The following PARD3B variants were observed in gnomAD, a reference collection of about 807,000 sequenced individuals.
PARD3B encodes par-3 family cell polarity regulator beta.
A neutral mutation model predicts 130.2 loss-of-function variants in PARD3B; 103 were observed. That is an observed-to-expected ratio of 0.79 (90% CI 0.67 to 0.93). The LOEUF is 0.93. Ranked by LOEUF, PARD3B falls within the 40% of genes least tolerant of loss-of-function variation. PARD3B has a pLI of 0.00. For synonymous variants in PARD3B, 583 were observed against 553.2 expected (o/e 1.05, Z -0.76); for missense variants, 1,609 against 1,499.2 (o/e 1.07, Z -1.21).
chr2:205,578,281 G>GTTTCCCC (rs2053835852), intron 22 of PARD3B, among the ~76,000 whole-genome samples: 2 of 152,168 alleles, frequency 1.3e-5, no homozygotes, highest in South Asian at 4.1e-4. Flanking sequence ...TAACAATGTG[G>GTTTCCCC]TAACTAGAGT....
At chr2:205,162,422 C>A (rs2034557615) in intron 11 of PARD3B, among the ~76,000 whole-genome samples, 1 of 152,172 alleles carries the variant, frequency 6.6e-6, no homozygotes, top group African/African-American at 2.4e-5. Flanking sequence ...TGGCCATTGA[C>A]CATAACAGCG....
At chr2:205,398,061 G>A (rs1277941673) in intron 18 of PARD3B, among the ~76,000 whole-genome samples, 1 of 152,168 alleles carries the variant, frequency 6.6e-6, no homozygotes, top group Non-Finnish European at 1.5e-5. Flanking sequence ...CACTTTGGGA[G>A]GCCGAGGCAG....
chr2:205,329,921 G>A (rs1443274898), intron 18 of PARD3B, among the ~76,000 whole-genome samples: 1 of 149,250 alleles, frequency 6.7e-6, no homozygotes, highest in African/African-American at 2.5e-5. Context: ...TTGAACTAGT[G>A]GGGCGGAGGT....
chr2:205,279,346 G>A (rs2041099706), intron 16 of PARD3B, among the ~76,000 whole-genome samples: 1 of 152,120 alleles, frequency 6.6e-6, no homozygotes, highest in Admixed American at 6.5e-5. Flanking sequence ...ACGTGTTTGT[G>A]CTGTTCTCAC....
intron 18 of PARD3B, among the ~76,000 whole-genome samples, chr2:205,323,601 A>T (rs1363029158): frequency 6.6e-6 from 1 of 152,190 alleles, no homozygotes; most frequent in Non-Finnish European, 1.5e-5. Context: ...GATGTTCCCT[A>T]CCTGACAAGT....
In PARD3B at chr2:205,563,255, A is replaced by G. The variant is rs561932237; in HGVS notation, c.3260+9852A>G. Among the ~76,000 whole-genome samples the G allele has an allele frequency of 6.6e-6, 1 of 152,346 alleles. No homozygotes were observed. Among genetic ancestry groups the G allele is most frequent in the East Asian group, 1.9e-4 (1 of 5,188 alleles). The stretch of plus-strand genomic sequence containing the variant: ...ATAGAAAATAAAACTAAGAACAATC[A>G]AGGCAAGGGAGAGGTTGTAAAACCT... On this transcript the variant is annotated intron_variant, in intron 22 of 22. Transcript: ENST00000406610. The surrounding 1 kb of genome is among the most constrained non-coding windows in gnomAD (Gnocchi z 4.2).
chr2:205,204,467 G>C (rs2125832280), intron 15 of PARD3B, among the ~76,000 whole-genome samples: 1 of 152,230 alleles, frequency 6.6e-6, no homozygotes, highest in African/African-American at 2.4e-5. Flanking sequence ...GATCCCATTT[G>C]TCAATTTTGG....
At chr2:205,364,972 C>A (rs529632934) in intron 18 of PARD3B, among the ~76,000 whole-genome samples, 150 of 152,096 alleles carry the variant, frequency 9.9e-4, no homozygotes, top group African/African-American at 3.6e-3. Flanking sequence ...GAGGCCAAGG[C>A]GAGTAGATCA....
At chr2:205,285,355 G>A (rs2041353097) in intron 16 of PARD3B, among the ~76,000 whole-genome samples, 1 of 152,066 alleles carries the variant, frequency 6.6e-6, no homozygotes, top group South Asian at 2.1e-4. Context: ...GGGTACTGAG[G>A]CAATACCCAC....
At chr2:204,899,093 A>G (rs2046752614) in intron 2 of PARD3B, among the ~76,000 whole-genome samples, 1 of 151,644 alleles carries the variant, frequency 6.6e-6, no homozygotes, top group Non-Finnish European at 1.5e-5. Context: ...TGGAGAATTT[A>G]GCCCATTTAC....
At chr2:205,353,629 G>A (rs553050202) in intron 18 of PARD3B, among the ~76,000 whole-genome samples, 27 of 152,282 alleles carry the variant, frequency 1.8e-4, no homozygotes, top group African/African-American at 5.8e-4. Context: ...TTGGTGATAT[G>A]ACTGAAACCT....
intron 2 of PARD3B, among the ~76,000 whole-genome samples, chr2:204,950,347 T>C (rs1471375861): frequency 6.6e-6 from 1 of 152,240 alleles, no homozygotes; most frequent in African/African-American, 2.4e-5. Flanking sequence ...ATTGTATAGA[T>C]GAAATTGAAG....
intron 18 of PARD3B, among the ~76,000 whole-genome samples, chr2:205,370,560 G>A (rs541391339): frequency 1.8e-4 from 27 of 152,230 alleles, no homozygotes; most frequent in South Asian, 8.3e-4. Flanking sequence ...AGTATCTCCC[G>A]GCTGCTCATA....
At chr2:204,818,403 C>CTAT (rs1231810494) in intron 2 of PARD3B, among the ~76,000 whole-genome samples, 2 of 152,068 alleles carry the variant, frequency 1.3e-5, no homozygotes, top group African/African-American at 2.4e-5. Context: ...AAACTATTTG[C>CTAT]TTCTTTCTAA....
intron 2 of PARD3B, among the ~76,000 whole-genome samples, chr2:204,863,076 G>A (rs2125631850): frequency 6.6e-6 from 1 of 152,216 alleles, no homozygotes; most frequent in African/African-American, 2.4e-5. Flanking sequence ...CCAGCAGTCT[G>A]TTTTTTCAGC....
chr2:204,817,218 T>C (rs1256606122), intron 2 of PARD3B, among the ~76,000 whole-genome samples: 2 of 152,156 alleles, frequency 1.3e-5, no homozygotes, highest in Non-Finnish European at 2.9e-5. Context: ...ATCTCTTTAT[T>C]ATGAATCATG....
chr2:205,055,594 T>G (rs1036429685), intron 4 of PARD3B, among the ~76,000 whole-genome samples: 2 of 152,116 alleles, frequency 1.3e-5, no homozygotes, highest in African/African-American at 4.8e-5. Context: ...TAGTGGGTGA[T>G]TTCCTCAGAA....
chr2:205,557,547 C>A (rs2106510489), intron 22 of PARD3B, among the ~76,000 whole-genome samples: 1 of 152,274 alleles, frequency 6.6e-6, no homozygotes, highest in South Asian at 2.1e-4. Flanking sequence ...ATGATTATAG[C>A]CCCAGTTTCA....
intron 2 of PARD3B, among the ~76,000 whole-genome samples, chr2:204,924,405 C>T (rs1246684753): frequency 6.6e-6 from 1 of 151,828 alleles, no homozygotes; most frequent in Non-Finnish European, 1.5e-5. Flanking sequence ...AAATTTCAAA[C>T]TAGTATTAAA....
Sources: allele counts gnomAD v4.1 joint callset (sites outside exome capture counted in the v4.1 genomes callset), GRCh38; gene constraint gnomAD v4.1.1; non-coding constraint Gnocchi (gnomAD v3.1); transcripts MANE v1.5; gene names NCBI Gene and HGNC (gene_info 2026-07-23, HGNC 2026-07-21).